Variants in TPRG1 observed in about 807,000 individuals in gnomAD.
TPRG1 encodes tumor protein p63 regulated 1.
Under a neutral mutation model 29.3 loss-of-function variants are expected in TPRG1, and 29 were observed. The ratio of observed to expected loss-of-function variants is 0.99; its 90% confidence interval spans 0.74 to 1.35. The LOEUF (loss-of-function observed/expected upper bound fraction) is 1.35. Among genes scored for constraint, TPRG1 ranks in the 40% most tolerant of loss-of-function variants. TPRG1 has a pLI of 0.00. For synonymous variants in TPRG1, 130 were observed against 116.8 expected (o/e 1.11, Z -0.73); for missense variants, 327 against 335.0 (o/e 0.98, Z 0.19).
At chr3:189,021,765 T>C (rs1043776686) in intron 3 of TPRG1, among the ~76,000 whole-genome samples, 67 of 152,218 alleles carry the variant, frequency 4.4e-4, no homozygotes, top group Non-Finnish European at 7.2e-4. Context: ...TTTCCTGAAT[T>C]TGAACGTTGG....
chr3:189,188,729 C>G (rs937505852), intron 1 of TPRG1, among the ~76,000 whole-genome samples: 2 of 152,184 alleles, frequency 1.3e-5, no homozygotes, highest in Non-Finnish European at 2.9e-5. Flanking sequence ...TCTTGGCCTG[C>G]ATAGCACTTT....
At chr3:189,107,503 A>G (rs1719963620) in intron 1 of TPRG1, among the ~76,000 whole-genome samples, 1 of 152,154 alleles carries the variant, frequency 6.6e-6, no homozygotes. Flanking sequence ...TCAAACCTTT[A>G]CAATAACGTA....
chr3:189,038,649 G>C (rs113918303), intron 4 of TPRG1, among the ~76,000 whole-genome samples: 1 of 152,050 alleles, frequency 6.6e-6, no homozygotes, highest in African/African-American at 2.4e-5. Context: ...ATGAATTTCT[G>C]TTCATTGAAG....
At chr3:189,137,296 ATGTGTGTG>A (rs10525363) in intron 3 of TPRG1, among the ~76,000 whole-genome samples, 24,362 of 129,876 alleles carry the variant, frequency 0.19, 1,924 homozygotes, top group South Asian at 0.27. Flanking sequence ...AAACCCCAAA[ATGTGTGTG>A]TGTGTGTGTG....
chr3:189,112,983 C>T (rs1324705699), intron 1 of TPRG1, among the ~76,000 whole-genome samples: 13 of 152,224 alleles, frequency 8.5e-5, no homozygotes, highest in East Asian at 1.9e-4. Context: ...GCCATTTTCA[C>T]GATATTGATT....
chr3:189,087,019 C>T (rs1224855770), intron 4 of TPRG1, among the ~76,000 whole-genome samples: 1 of 152,158 alleles, frequency 6.6e-6, no homozygotes, highest in Admixed American at 6.5e-5. Context: ...TGGGTATATA[C>T]CCAGTAATGG....
chr3:189,152,062 T>C (rs1472079632), intron 5 of TPRG1, among the ~76,000 whole-genome samples: 3 of 152,140 alleles, frequency 2.0e-5, no homozygotes, highest in Admixed American at 2.0e-4. Context: ...GTGCATGGCT[T>C]GGTGTGCTCT....
intron 3 of TPRG1, among the ~76,000 whole-genome samples, chr3:189,133,042 G>A (rs758253758): frequency 1.2e-4 from 18 of 152,168 alleles, no homozygotes; most frequent in Non-Finnish European, 2.2e-4. Context: ...GATGGTGCAA[G>A]GAAAACAGAG....
chr3:189,008,764 A>C (rs1219472056), intron 3 of TPRG1, among the ~76,000 whole-genome samples: 1 of 152,164 alleles, frequency 6.6e-6, no homozygotes, highest in Non-Finnish European at 1.5e-5. Context: ...GGAAGGCATC[A>C]AAATTGTATG....
At chr3:189,209,464 T>C (rs1240657918) in intron 2 of TPRG1, among the ~76,000 whole-genome samples, 1 of 152,190 alleles carries the variant, frequency 6.6e-6, no homozygotes, top group South Asian at 2.1e-4. Context: ...CTACACATGA[T>C]GATTGTATTG....
At chr3:189,091,375 A>G (rs1283418665) in intron 4 of TPRG1, among the ~76,000 whole-genome samples, 1 of 152,172 alleles carries the variant, frequency 6.6e-6, no homozygotes, top group Non-Finnish European at 1.5e-5. Flanking sequence ...ATGAATCGTG[A>G]CAAATATATA....
chr3:189,311,858 C>A (rs1361089535), intron 5 of TPRG1, among the ~76,000 whole-genome samples: 1 of 151,752 alleles, frequency 6.6e-6, no homozygotes, highest in Non-Finnish European at 1.5e-5. Flanking sequence ...CCAATAAGAA[C>A]AACCTAACAC....
chr3:189,111,867 A>G (rs1720570986), intron 1 of TPRG1, among the ~76,000 whole-genome samples: 1 of 152,164 alleles, frequency 6.6e-6, no homozygotes, highest in Middle Eastern at 3.2e-3. Context: ...TACTGAGAAC[A>G]TCTTTGCCTT....
intron 3 of TPRG1, among the ~76,000 whole-genome samples, chr3:189,146,823 T>G (rs921770466): frequency 2.0e-5 from 3 of 152,222 alleles, no homozygotes; most frequent in Non-Finnish European, 4.4e-5. Context: ...TGTTTGGTTC[T>G]TAGAGGTTTC....
chr3:189,153,358 A>G (rs1190741953), intron 5 of TPRG1, among the ~76,000 whole-genome samples: 2 of 152,230 alleles, frequency 1.3e-5, no homozygotes, highest in Non-Finnish European at 2.9e-5. Flanking sequence ...AAAAAACATC[A>G]CCAAAGAATG....
At chr3:189,149,552 G>A (rs549109447) in intron 4 of TPRG1, among the ~76,000 whole-genome samples, 33 of 152,246 alleles carry the variant, frequency 2.2e-4, no homozygotes, top group African/African-American at 7.7e-4. Flanking sequence ...TCCCCTGATG[G>A]GCAAAGACTG....
chr3:189,133,454 C>T (rs1723338299), intron 3 of TPRG1, among the ~76,000 whole-genome samples: 1 of 152,152 alleles, frequency 6.6e-6, no homozygotes, highest in South Asian at 2.1e-4. Context: ...GTAATCCCCT[C>T]GTATTGAGGG....
intron 3 of TPRG1, among the ~76,000 whole-genome samples, chr3:189,222,110 G>A (rs1737030692): frequency 6.6e-6 from 1 of 152,056 alleles, no homozygotes; most frequent in Non-Finnish European, 1.5e-5. Flanking sequence ...GCAGGTTCAG[G>A]GACCTTTTCC....
intron 3 of TPRG1, among the ~76,000 whole-genome samples, chr3:189,011,261 A>G (rs1304855332): frequency 6.6e-6 from 1 of 152,066 alleles, no homozygotes; most frequent in African/African-American, 2.4e-5. Flanking sequence ...TTTTTGTTCC[A>G]TATGAATTTT....
Sources: gnomAD v4.1 joint callset for allele counts (sites outside exome capture counted in the v4.1 genomes callset) on GRCh38, gnomAD v4.1.1 for gene constraint, MANE v1.5 for transcripts, NCBI Gene and HGNC (gene_info 2026-07-23, HGNC 2026-07-21) for gene names.